NELL1: variants seen among roughly 807,000 people sequenced by gnomAD.
NELL1 encodes neural EGFL like 1.
NELL1 carries 76 observed loss-of-function variants against 107.4 expected under a neutral mutation model. The observed-to-expected ratio is 0.71, with a 90% confidence interval of 0.59 to 0.86. The LOEUF is 0.86. Among genes scored for constraint, NELL1 ranks in the 40% least tolerant of loss-of-function variants. The pLI is 0.00. For synonymous variants in NELL1, 353 were observed against 341.2 expected, an observed-to-expected ratio of 1.03 and a Z score of -0.38; for missense variants, 1,024 against 1,005.5, an observed-to-expected ratio of 1.02 and a Z score of -0.25.
intron 13 of NELL1, among the ~76,000 whole-genome samples, chr11:21,215,688 G>C (rs2133865651): frequency 6.6e-6 from 1 of 152,292 alleles, no homozygotes; most frequent in East Asian, 1.9e-4. Flanking sequence ...TCAGCAAAGA[G>C]ACTGGCAGCA....
chr11:20,721,181 G>GTGTATATATATATATA (rs1554906545), intron 2 of NELL1, among the ~76,000 whole-genome samples: 21 of 125,844 alleles, frequency 1.7e-4, no homozygotes, highest in African/African-American at 6.8e-4. Flanking sequence ...TATATTTTGT[G>GTGTATATATATATATA]TATATATATA....
At chr11:20,675,936 A>G (rs1854044819) in intron 1 of NELL1, among the ~76,000 whole-genome samples, 1 of 151,916 alleles carries the variant, frequency 6.6e-6, no homozygotes, top group African/African-American at 2.4e-5. Flanking sequence ...TTTTGTAGAG[A>G]CATGGTCTCC....
intron 15 of NELL1, among the ~76,000 whole-genome samples, chr11:21,455,870 CTT>C (rs1430782518): frequency 9.0e-5 from 4 of 44,674 alleles, no homozygotes; most frequent in Non-Finnish European, 1.2e-4. Flanking sequence ...TTTCTTCTTT[CTT>C]TTCTTTTTTT....
chr11:21,526,027 A>T (rs1855845282), intron 15 of NELL1, among the ~76,000 whole-genome samples: 1 of 152,184 alleles, frequency 6.6e-6, no homozygotes, highest in Non-Finnish European at 1.5e-5. Flanking sequence ...TTAACTCAGA[A>T]GTCTAAAGTC....
chr11:20,877,571 A>G (rs1451100436), intron 4 of NELL1, among the ~76,000 whole-genome samples: 2 of 152,354 alleles, frequency 1.3e-5, no homozygotes, highest in East Asian at 1.9e-4. Context: ...TAGTCTTTTA[A>G]GCAGACAATA....
intron 13 of NELL1, among the ~76,000 whole-genome samples, chr11:21,149,299 G>A (rs117437579): frequency 6.6e-6 from 1 of 152,272 alleles, no homozygotes; most frequent in East Asian, 1.9e-4. Flanking sequence ...ATTAGTCTGG[G>A]CTCATGCTGC....
intron 5 of NELL1, among the ~76,000 whole-genome samples, chr11:20,904,318 G>A (rs1025272804): frequency 5.3e-5 from 8 of 152,078 alleles, no homozygotes; most frequent in African/African-American, 1.9e-4. Context: ...AATAACTAAT[G>A]TTTGAAGTGA....
intron 3 of NELL1, among the ~76,000 whole-genome samples, chr11:20,846,692 G>C (rs1848707369): frequency 6.7e-6 from 1 of 149,612 alleles, no homozygotes. Context: ...TTTTAAAAAA[G>C]ATAATACCAG....
At chr11:21,052,741 C>G (rs935524938) in intron 12 of NELL1, among the ~76,000 whole-genome samples, 4 of 152,088 alleles carry the variant, frequency 2.6e-5, no homozygotes, top group African/African-American at 9.7e-5. Context: ...CACATCAAAC[C>G]TTGCAGTAGA....
At chr11:20,951,591 A>C in intron 11 of NELL1, among the ~76,000 whole-genome samples, 1 of 152,322 alleles carries the variant, frequency 6.6e-6, no homozygotes. Context: ...TTTTAGGGAA[A>C]AATGAATATA....
At chr11:20,726,978 G>A (rs1370725373) in intron 2 of NELL1, among the ~76,000 whole-genome samples, 1 of 151,986 alleles carries the variant, frequency 6.6e-6, no homozygotes, top group Non-Finnish European at 1.5e-5. Flanking sequence ...TGCCACATTT[G>A]CTTAATCCAG....
At chr11:21,072,050 C>T (rs1309835619) in intron 12 of NELL1, among the ~76,000 whole-genome samples, 1 of 152,020 alleles carries the variant, frequency 6.6e-6, no homozygotes, top group African/African-American at 2.4e-5. Flanking sequence ...ATTAGGTTGC[C>T]TTGTCAACAA....
At chr11:21,267,463 T>A (rs940946401) in intron 14 of NELL1, among the ~76,000 whole-genome samples, 1 of 152,160 alleles carries the variant, frequency 6.6e-6, no homozygotes, top group African/African-American at 2.4e-5. Context: ...TTTAAGATAA[T>A]TAAATATGTG....
At chr11:21,220,192 G>C (rs1259724453) in intron 13 of NELL1, among the ~76,000 whole-genome samples, 2 of 152,112 alleles carry the variant, frequency 1.3e-5, no homozygotes, top group Non-Finnish European at 2.9e-5. Flanking sequence ...TTATTATTGG[G>C]TTCTCTATTA....
At chr11:21,469,338 G>C (rs1437397558) in intron 15 of NELL1, among the ~76,000 whole-genome samples, 1 of 151,986 alleles carries the variant, frequency 6.6e-6, no homozygotes, top group Non-Finnish European at 1.5e-5. Context: ...AAGTGAATAA[G>C]ACTGGGCTGA....
chr11:21,275,859 C>T (rs866041258), intron 14 of NELL1, among the ~76,000 whole-genome samples: 1 of 152,102 alleles, frequency 6.6e-6, no homozygotes, highest in Non-Finnish European at 1.5e-5. Context: ...AACGCTTCAT[C>T]CTAGAAACTC....
At chr11:21,306,266 A>G (rs1849602330) in intron 14 of NELL1, among the ~76,000 whole-genome samples, 1 of 152,078 alleles carries the variant, frequency 6.6e-6, no homozygotes, top group Non-Finnish European at 1.5e-5. Context: ...CAGTTGGTCA[A>G]TCTACTGACA....
At chr11:21,004,490 G>GT (rs1452794402) in intron 12 of NELL1, among the ~76,000 whole-genome samples, 1 of 152,110 alleles carries the variant, frequency 6.6e-6, no homozygotes, top group Non-Finnish European at 1.5e-5. Flanking sequence ...CATATTTAAT[G>GT]TTATCTAATG....
intron 15 of NELL1, among the ~76,000 whole-genome samples, chr11:21,508,304 A>G (rs1472589540): frequency 6.6e-6 from 1 of 152,172 alleles, no homozygotes; most frequent in African/African-American, 2.4e-5. Flanking sequence ...TTTATCAAAA[A>G]TGAGTCAAAA....
Sources: allele counts gnomAD v4.1 joint callset (sites outside exome capture counted in the v4.1 genomes callset), GRCh38; gene constraint gnomAD v4.1.1; transcripts MANE v1.5; gene names NCBI Gene and HGNC (gene_info 2026-07-23, HGNC 2026-07-21).